COPG2: variants seen among roughly 807,000 people sequenced by gnomAD.
The protein encoded by COPG2 is coat protein complex I subunit gamma 2.
In COPG2, 37 loss-of-function variants were observed where a neutral mutation model predicts 46.3. The ratio of observed to expected loss-of-function variants is 0.80; its 90% confidence interval spans 0.61 to 1.05. COPG2 has a LOEUF of 1.05. Ranked by LOEUF, COPG2 falls within the 50% of genes least tolerant of loss-of-function variation. COPG2 has a pLI of 0.00. For missense variants in COPG2, 427 were observed against 387.8 expected (o/e 1.10, Z -0.85); for synonymous variants, 159 against 129.7 (o/e 1.23, Z -1.53).
In COPG2 at chr7:130,526,444, C is replaced by T. The variant is rs931975509; in HGVS notation, c.2150-17785G>A. On this transcript the variant is annotated intron_variant, in intron 20 of 23. Transcript: ENST00000425248. ...AGGAAGCAAGGAGAAGAAATGTGGA[C>T]GCAAGGGGAAAGGCTTCAAGAAAGA... 8.2e-4 allele frequency among the ~76,000 whole-genome samples: 124 copies of T among 151,930 alleles called. No homozygotes were observed. In the Middle Eastern group the frequency reaches 0.01, roughly 13 times the overall value.
intron 20 of COPG2, among the ~76,000 whole-genome samples, chr7:130,513,343 G>GTGTGTGTGTGTGTGTATATATATATATA (rs1799639006): frequency 2.1e-5 from 1 of 46,560 alleles, no homozygotes; most frequent in Non-Finnish European, 4.6e-5. Context: ...ATATATATAT[G>GTGTGTGTGTGTGTGTATATATATATATA]TGTGTGTGTG....
In COPG2 at chr7:130,666,828, AG is replaced by A; in HGVS notation, c.171+20del. 9.0e-7 allele frequency: 1 copy of A among 1,105,988 alleles called. No individual in the cohort carries two copies. The highest frequency in any genetic ancestry group is 1.3e-6 in the Non-Finnish European group (1 of 742,300). The allele number at this position is 1,105,988 out of a possible 1,614,324, so 68.5% of individuals were successfully genotyped here. ...TTCTATTCCAGGACACACTTATCTG[AG>A]GAAAATAAAAATAATATACCTGGTT... is the stretch of plus-strand genomic sequence containing the variant. On this transcript the variant is annotated intron_variant, in intron 3 of 23. Coordinates refer to ENST00000425248, the MANE Select transcript of COPG2 (RefSeq NM_012133.6).
In COPG2 at chr7:130,642,571, T is replaced by C. The variant is rs75760683; in HGVS notation, c.323+10298A>G. Among the ~76,000 whole-genome samples the C allele has an allele frequency of 4.6e-3, 696 of 152,350 alleles. 3 individuals carry two copies. The highest frequency in any genetic ancestry group is 0.016 in the African/African-American group (673 of 41,574). ...AAGTTTATCCATGTTGTTGCCTGAA[T>C]CAGCAATTTTTTCCTTTTATTGCTG... On this transcript the variant is annotated intron_variant, in intron 5 of 23. Coordinates refer to ENST00000425248, the MANE Select transcript of COPG2 (RefSeq NM_012133.6).
intron 9 of COPG2, among the ~76,000 whole-genome samples, chr7:130,609,638 T>G (rs1794802410): frequency 6.6e-6 from 1 of 152,236 alleles, no homozygotes; most frequent in African/African-American, 2.4e-5. Flanking sequence ...TACACAAGTA[T>G]TAGACTTTTT....
intron 18 of COPG2, among the ~76,000 whole-genome samples, 180 bp from the exon 19 acceptor site, chr7:130,548,722 C>CCTG (rs1242293204): frequency 6.6e-6 from 1 of 152,060 alleles, no homozygotes; most frequent in Non-Finnish European, 1.5e-5. Context: ...CTAAGACCAT[C>CCTG]CTGGCTAACA....
At chr7:130,515,176 A>G (rs1372058171) in intron 20 of COPG2, among the ~76,000 whole-genome samples, 2 of 152,194 alleles carry the variant, frequency 1.3e-5, no homozygotes, top group African/African-American at 4.8e-5. Flanking sequence ...CTATAAAGAA[A>G]TACCTGGGAC....
At chr7:130,567,948 A>C (rs1793830047) in intron 9 of COPG2, among the ~76,000 whole-genome samples, 1 of 152,204 alleles carries the variant, frequency 6.6e-6, no homozygotes, top group Non-Finnish European at 1.5e-5. Context: ...AGCATGATGA[A>C]TAGAATAGTA....
At position 130,637,593 on chromosome 7, in the gene COPG2, C is replaced by T. The variant is rs1795369101; in HGVS notation, c.323+15276G>A. 2.0e-5 allele frequency among the ~76,000 whole-genome samples: 3 copies of T among 152,060 alleles called. No homozygotes were observed. In the South Asian group the frequency reaches 6.2e-4, roughly 32 times the overall value. The stretch of plus-strand genomic sequence containing the variant: ...CTACATCAGGTTATTTATTTTCTTT[C>T]TAAGCTGGTTATTCTACTTAGCAAC... On this transcript the variant is annotated intron_variant, in intron 5 of 23. Coordinates refer to ENST00000425248, the MANE Select transcript of COPG2 (RefSeq NM_012133.6).
chr7:130,582,706 T>G (rs1794177140), intron 9 of COPG2, among the ~76,000 whole-genome samples: 1 of 150,668 alleles, frequency 6.6e-6, no homozygotes, highest in African/African-American at 2.4e-5. Flanking sequence ...CAGACACTTC[T>G]CAAAAGAAGA....
rs1490780646 is a variant in COPG2, at chr7:130,544,897, AT to A, written c.2149+2776del. ...TGCCCAACCTTTGCGAGAAGGTGTT[AT>A]GGTAATATATTGATGTTGGGTTAAA... On this transcript the variant is annotated intron_variant, in intron 20 of 23. Coordinates refer to ENST00000425248, the MANE Select transcript of COPG2 (RefSeq NM_012133.6). Among the ~76,000 whole-genome samples, 76 of 152,260 alleles carry A rather than the reference AT, an allele frequency of 5.0e-4. 4 individuals carry two copies. In the South Asian group the frequency reaches 0.015, roughly 30 times the overall value.
At chr7:130,563,876 G>A (rs1427509874) in intron 10 of COPG2, among the ~76,000 whole-genome samples, 2 of 150,456 alleles carry the variant, frequency 1.3e-5, no homozygotes, top group South Asian at 4.2e-4. Flanking sequence ...ATTAATACCT[G>A]AACTAAATGG....
At chr7:130,606,022 A>G (rs1794721479) in intron 9 of COPG2, among the ~76,000 whole-genome samples, 1 of 152,108 alleles carries the variant, frequency 6.6e-6, no homozygotes, top group Non-Finnish European at 1.5e-5. Flanking sequence ...TGATGGAGGA[A>G]GCCTAGTTTT....
At chr7:130,509,993 TA>T in intron 20 of COPG2, 3 of 482,790 alleles carry the variant, frequency 6.2e-6, no homozygotes, top group Non-Finnish European at 1.2e-5. Context: ...CTGGAAACAG[TA>T]AGAGGCATGC....
At chr7:130,656,344 A>G (rs1175388411) in intron 4 of COPG2, among the ~76,000 whole-genome samples, 1 of 152,192 alleles carries the variant, frequency 6.6e-6, no homozygotes, top group Non-Finnish European at 1.5e-5. Flanking sequence ...CTAGAAATAA[A>G]AGAGAGAAAA....
chr7:130,586,965 T>G (rs1554448089), intron 9 of COPG2, among the ~76,000 whole-genome samples: 10 of 152,000 alleles, frequency 6.6e-5, no homozygotes, highest in Non-Finnish European at 1.5e-5. Context: ...AAATTACATA[T>G]AATTCCTATC....
intron 16 of COPG2, 137 bp from the exon 17 acceptor site, chr7:130,550,786 A>G (rs1335454771): frequency 1.6e-5 from 6 of 370,058 alleles, no homozygotes; most frequent in African/African-American, 1.3e-4. Context: ...ACCTAAATAT[A>G]AAAATAAAGG....
chr7:130,541,159 G>T (rs1257432086), intron 20 of COPG2, among the ~76,000 whole-genome samples: 2 of 152,172 alleles, frequency 1.3e-5, no homozygotes, highest in African/African-American at 4.8e-5. Context: ...TCAGGACAAA[G>T]ATGACAGCGA....
chr7:130,617,156 T>C, intron 5 of COPG2, 91 bp from the exon 6 acceptor site: 3 of 656,160 alleles, frequency 4.6e-6, no homozygotes, highest in African/African-American at 1.8e-5. Flanking sequence ...CCCATAATTA[T>C]CTTAATGCAG....
At chr7:130,540,626 G>T (rs1396012891) in intron 20 of COPG2, among the ~76,000 whole-genome samples, 1 of 152,060 alleles carries the variant, frequency 6.6e-6, no homozygotes. Flanking sequence ...TCCAAGCAGA[G>T]AGTTCCAGGC....
Sources: allele counts gnomAD v4.1 joint callset (sites outside exome capture counted in the v4.1 genomes callset), GRCh38; gene constraint gnomAD v4.1.1; transcripts MANE v1.5; gene names NCBI Gene and HGNC (gene_info 2026-07-23, HGNC 2026-07-21).